The following FSHR variants were observed in gnomAD, a reference collection of about 807,000 sequenced individuals.
The protein encoded by FSHR is follicle stimulating hormone receptor.
Under a neutral mutation model 52.1 loss-of-function variants are expected in FSHR, and 46 were observed. The ratio of observed to expected loss-of-function variants is 0.88; its 90% CI spans 0.70 to 1.13. The LOEUF (loss-of-function observed/expected upper bound fraction) is 1.13. FSHR is among the 50% of genes most tolerant of loss of function. FSHR has a pLI of 0.00. For missense variants in FSHR, 964 were observed against 834.6 expected (o/e 1.16, Z -1.91); for synonymous variants, 399 against 309.6 (o/e 1.29, Z -3.03).
chr2:49,068,072 AAC>A (rs1429801693), intron 2 of FSHR, 145 bp downstream of exon 2: 86 of 700,536 alleles, frequency 1.2e-4, no homozygotes, highest in South Asian at 8.8e-4. Flanking sequence ...GAACCATGGT[AAC>A]ACAGTAAAAT....
intron 4 of FSHR, among the ~76,000 whole-genome samples, chr2:48,991,956 C>T (rs538348680): frequency 6.6e-6 from 1 of 151,472 alleles, no homozygotes; most frequent in African/African-American, 2.4e-5. Context: ...GCCTTGTTCT[C>T]TGCTTCTGTA....
intron 1 of FSHR, among the ~76,000 whole-genome samples, chr2:49,126,833 T>C (rs1271516748): frequency 1.3e-5 from 2 of 152,186 alleles, no homozygotes; most frequent in African/African-American, 4.8e-5. Flanking sequence ...CCTCTCAAGA[T>C]AGAATGTGAA....
At chr2:49,016,324 A>C (rs1667488976) in intron 4 of FSHR, among the ~76,000 whole-genome samples, 1 of 152,166 alleles carries the variant, frequency 6.6e-6, no homozygotes. Flanking sequence ...TTTTCCCATC[A>C]AGAAGTAGCA....
At chr2:49,047,314 A>C (rs1223577539) in intron 2 of FSHR, among the ~76,000 whole-genome samples, 1 of 152,244 alleles carries the variant, frequency 6.6e-6, no homozygotes, top group Non-Finnish European at 1.5e-5. Context: ...AAAGGAGTAC[A>C]TTTTAAACAA....
At chr2:49,124,087 G>A (rs1230106860) in intron 1 of FSHR, among the ~76,000 whole-genome samples, 1 of 151,240 alleles carries the variant, frequency 6.6e-6, no homozygotes, top group African/African-American at 2.4e-5. Context: ...TGCACCTCCC[G>A]GGTTTAGGCA....
chr2:48,972,159 C>A (rs566814575), intron 8 of FSHR, among the ~76,000 whole-genome samples: 3 of 152,130 alleles, frequency 2.0e-5, no homozygotes, highest in Non-Finnish European at 4.4e-5. Context: ...AAATCTGTTC[C>A]ACCTTTCCAG....
At chr2:49,097,752 G>T (rs1312434822) in intron 1 of FSHR, among the ~76,000 whole-genome samples, 1 of 152,182 alleles carries the variant, frequency 6.6e-6, no homozygotes, top group Non-Finnish European at 1.5e-5. Flanking sequence ...GGAAAGGAAA[G>T]AAGGAAACTA....
At chr2:49,131,174 T>A (rs904101813) in intron 1 of FSHR, among the ~76,000 whole-genome samples, 2 of 152,156 alleles carry the variant, frequency 1.3e-5, no homozygotes, top group Non-Finnish European at 2.9e-5. Context: ...TTGGTAATAT[T>A]TATTATTTAT....
intron 1 of FSHR, among the ~76,000 whole-genome samples, chr2:49,148,409 A>G (rs1672945239): frequency 1.3e-5 from 2 of 152,068 alleles, no homozygotes. Context: ...CATCTTTTAT[A>G]AGAATTCTTT....
Position 48,962,854 on chromosome 2 carries a change from G to C in FSHR, c.1967C>G (p.Thr656Arg), listed in dbSNP as rs1573010464. 6.2e-6 allele frequency: 10 copies of C among 1,614,036 alleles called. No individual in the cohort carries two copies. The highest frequency in any genetic ancestry group is 2.2e-5 in the East Asian group (1 of 44,882). Reference sequence around the variant, plus strand: ...GTTGTGGACAGTGGATGAAGTTTCTGTCCTATAAATTTGGGCTTGCATTTC... The same window carrying C: ...GTTGTGGACAGTGGATGAAGTTTCTCTCCTATAAATTTGGGCTTGCATTTC... Reference protein sequence around the residue: ...CYEMQAQIYRTETSSTVHNTH... With the variant: ...CYEMQAQIYRRETSSTVHNTH... The change falls in exon 10 of 10, where the codon ACA (threonine) becomes AGA (arginine). Residue 656 changes from threonine to arginine, a missense_variant. Physicochemically the swap from Thr to Arg is moderately conservative, Grantham distance 71. Coordinates refer to ENST00000406846, the MANE Select transcript of FSHR (RefSeq NM_000145.4).
At chr2:48,964,092 A>C in intron 9 of FSHR, 126 bp from the exon 10 acceptor site, 2 of 838,006 alleles carry the variant, frequency 2.4e-6, no homozygotes, top group Non-Finnish European at 3.8e-6. Context: ...TTCTCACATC[A>C]TACCTGCCCT....
intron 1 of FSHR, among the ~76,000 whole-genome samples, chr2:49,097,515 T>A (rs2103711925): frequency 6.6e-6 from 1 of 152,314 alleles, no homozygotes; most frequent in South Asian, 2.1e-4. Context: ...ACATAATTTA[T>A]CTTGGATGAA....
intron 1 of FSHR, among the ~76,000 whole-genome samples, chr2:49,110,379 C>G (rs1671380768): frequency 1.3e-5 from 2 of 152,130 alleles, no homozygotes; most frequent in South Asian, 2.1e-4. Context: ...ACTTAATATA[C>G]TGTCTCTGCA....
chr2:49,070,886 A>C (rs760539914), intron 1 of FSHR, among the ~76,000 whole-genome samples: 28 of 152,322 alleles, frequency 1.8e-4, no homozygotes, highest in East Asian at 9.6e-4. Flanking sequence ...AGAGCTTGCA[A>C]GGATATGAGA....
At chr2:49,030,728 A>C (rs10171892) in intron 2 of FSHR, among the ~76,000 whole-genome samples, 2 of 152,034 alleles carry the variant, frequency 1.3e-5, no homozygotes, top group African/African-American at 4.8e-5. Flanking sequence ...AGAAATTTAC[A>C]GGTCTGTATT....
intron 2 of FSHR, among the ~76,000 whole-genome samples, chr2:49,044,925 T>A (rs943015840): frequency 9.9e-5 from 15 of 152,276 alleles, no homozygotes; most frequent in African/African-American, 3.4e-4. Context: ...GAAACAGTTG[T>A]ATGTGAATTG....
At chr2:49,146,744 T>C (rs993469303) in intron 1 of FSHR, among the ~76,000 whole-genome samples, 1 of 152,066 alleles carries the variant, frequency 6.6e-6, no homozygotes, top group African/African-American at 2.4e-5. Flanking sequence ...AGCGTCATTT[T>C]ACATCAAACT....
At chr2:49,070,527 A>G (rs1056941540) in intron 1 of FSHR, among the ~76,000 whole-genome samples, 1 of 152,194 alleles carries the variant, frequency 6.6e-6, no homozygotes, top group Non-Finnish European at 1.5e-5. Flanking sequence ...AAACTACGCA[A>G]CACTCTAAAA....
chr2:49,137,533 C>T (rs994426744), intron 1 of FSHR, among the ~76,000 whole-genome samples: 4 of 151,964 alleles, frequency 2.6e-5, no homozygotes, highest in Non-Finnish European at 2.9e-5. Context: ...TAAATAGCTA[C>T]CATCCTGAAG....
Sources: gnomAD v4.1 joint callset for allele counts (sites outside exome capture counted in the v4.1 genomes callset) on GRCh38, gnomAD v4.1.1 for gene constraint, MANE v1.5 for transcripts, NCBI Gene and HGNC (gene_info 2026-07-23, HGNC 2026-07-21) for gene names.